BRCA1: variants seen among roughly 807,000 people sequenced by gnomAD.
BRCA1 encodes breast cancer type 1 susceptibility protein.
BRCA1 carries 140 observed loss-of-function variants against 173.7 expected under a neutral mutation model. That is an observed-to-expected ratio of 0.81 (90% confidence interval 0.70 to 0.93). The LOEUF is 0.93. Among genes scored for constraint, BRCA1 ranks in the 40% least tolerant of loss-of-function variants. BRCA1 has a pLI of 0.00. For missense variants in BRCA1, 1,983 were observed against 2,172.5 expected (o/e 0.91, Z 1.73); for synonymous variants, 662 against 756.0 (o/e 0.88, Z 2.04).
In BRCA1 at chr17:43,072,861, C is replaced by A. The variant is rs538013523; in HGVS notation, c.4675+1470G>T. 5.3e-5 allele frequency among the ~76,000 whole-genome samples: 8 copies of A among 151,126 alleles called. No homozygotes were observed. In the East Asian group the frequency reaches 1.0e-3, roughly 19 times the overall value. Reference sequence around the variant, plus strand: ...TTACAGGCGTAAGCCACCCACCACGCCTGGCCCCAGCTAGTTTTTTTTTTT... The same window carrying A: ...TTACAGGCGTAAGCCACCCACCACGACTGGCCCCAGCTAGTTTTTTTTTTT... On this transcript the variant is annotated intron_variant, in intron 14 of 22. Transcript: ENST00000357654.
At position 43,071,069 on chromosome 17, in the gene BRCA1, A is replaced by G. The variant is rs144588397; in HGVS notation, c.4845T>C (p.Ala1615=). The G allele has an allele frequency of 2.2e-5, 36 of 1,614,060 alleles. No homozygotes were observed. Among genetic ancestry groups the G allele is most frequent in the Non-Finnish European group, 2.9e-5 (34 of 1,180,032 alleles). ...CAGCAGTATCAGTAGTATGAGCAGC[A>G]GCTGGACTCTGGGCAGATTCTGCAA... ...LKVAESAQSP[A]AAHTTDTAGY... is the part of the protein sequence containing the mutation. The change falls in exon 15 of 23, where the codon GCT becomes GCC. Residue 1615 remains alanine, a synonymous_variant. Coordinates refer to ENST00000357654, the MANE Select transcript of BRCA1 (RefSeq NM_007294.4).
intron 11 of BRCA1, among the ~76,000 whole-genome samples, chr17:43,085,314 C>T (rs764142982): frequency 4.0e-5 from 6 of 151,708 alleles, no homozygotes; most frequent in Non-Finnish European, 5.9e-5. Context: ...GAGCTGAGAT[C>T]GTGCCACGGC....
chr17:43,046,564 A>T lies in BRCA1; in HGVS notation c.5468-762T>A, dbSNP rs1055113466. Among the ~76,000 whole-genome samples, 42 of 151,338 alleles carry T rather than the reference A, an allele frequency of 2.8e-4. No individual in the cohort carries two copies. The Middle Eastern group carries it at 0.014, about 49-fold the overall frequency. The stretch of plus-strand genomic sequence containing the variant: ...AAGTGCGTGCCACCATGCCTGGCTA[A>T]TTTTTTTTAGTATTTTTAGTAGAGA... On this transcript the variant is annotated intron_variant, in intron 22 of 22. Coordinates refer to ENST00000357654, the MANE Select transcript of BRCA1 (RefSeq NM_007294.4).
intron 2 of BRCA1, among the ~76,000 whole-genome samples, chr17:43,116,837 A>C (rs926723031): frequency 1.3e-5 from 2 of 152,140 alleles, no homozygotes; most frequent in Non-Finnish European, 2.9e-5. Context: ...CTTCTGATCT[A>C]TAGGTGTCTC....
intron 4 of BRCA1, among the ~76,000 whole-genome samples, chr17:43,105,308 T>C (rs1002081451): frequency 6.6e-6 from 1 of 152,148 alleles, no homozygotes; most frequent in Non-Finnish European, 1.5e-5. Context: ...GCCACAATCA[T>C]AGCTCACTGC....
Position 43,092,565 on chromosome 17 carries a change from A to G in BRCA1, c.2966T>C (p.Phe989Ser), listed in dbSNP as rs4986848. 6.2e-7 allele frequency: 1 copy of G among 1,614,068 alleles called. No individual in the cohort carries two copies. Reference protein sequence around the residue: ...RIPPLFPIKSFVKTKCKKNLL... With the variant: ...RIPPLFPIKSSVKTKCKKNLL... ...ATTTTTCTTACATTTAGTTTTAACA[A>G]ATGACTTGATGGGAAAAAGTGGTGG... The change falls in exon 10 of 23, where the codon TTT becomes TCT. Residue 989 changes from phenylalanine (F) to serine (S), a missense_variant. Phe to Ser is a radical substitution (Grantham distance 155). Coordinates refer to ENST00000357654, the MANE Select transcript of BRCA1 (RefSeq NM_007294.4).
intron 12 of BRCA1, among the ~76,000 whole-genome samples, chr17:43,077,438 C>T (rs1177280339): frequency 6.6e-6 from 1 of 151,850 alleles, no homozygotes; most frequent in Non-Finnish European, 1.5e-5. Flanking sequence ...TCAAGCGATT[C>T]TCCTGCCTCA....
chr17:43,074,572 CAA>C, intron 13 of BRCA1, 51 bp from the exon 14 acceptor site: 1 of 1,517,486 alleles, frequency 6.6e-7, no homozygotes, highest in Non-Finnish European at 9.1e-7. Context: ...TGTGAAAGGA[CAA>C]ATCATACTTG....
intron 16 of BRCA1, among the ~76,000 whole-genome samples, chr17:43,065,524 T>C (rs1246379369): frequency 6.6e-6 from 1 of 151,810 alleles, no homozygotes; most frequent in Non-Finnish European, 1.5e-5. Flanking sequence ...CAAAATTAGG[T>C]ATGGTGGTGC....
chr17:43,045,525 C>T lies in BRCA1; in HGVS notation c.*153G>A, dbSNP rs1463715267. 5 of 1,225,552 alleles carry T rather than the reference C, an allele frequency of 4.1e-6. No individual in the cohort carries two copies. Among genetic ancestry groups the T allele is most frequent in the Non-Finnish European group, 5.9e-6 (5 of 852,652 alleles). The allele number at this position is 1,225,552 out of a possible 1,614,324, so 75.9% of individuals were successfully genotyped here. ...AAATCTTTAAGGGACCCTTGCATAG[C>T]CAGAAGTCCTTTTCAGGCTGATGTA... On this transcript the variant is annotated 3_prime_UTR_variant, in exon 23 of 23. Coordinates refer to ENST00000357654, the MANE Select transcript of BRCA1 (RefSeq NM_007294.4).
Position 43,091,094 on chromosome 17 carries a change from T to C in BRCA1, c.4097-62A>G, listed in dbSNP as rs1273737309. On this transcript the variant is annotated intron_variant, in intron 10 of 22. Transcript: ENST00000357654. ...AGACTATAAACGCTGCAACTTGCTGTGTCTTTTTCTTCTCATTGGCAGGAC... is the reference window on the plus strand; with the variant it reads ...AGACTATAAACGCTGCAACTTGCTGCGTCTTTTTCTTCTCATTGGCAGGAC... The C allele has an allele frequency of 2.1e-6, 3 of 1,434,380 alleles. No homozygotes were observed. In the Middle Eastern group the frequency reaches 5.2e-4, roughly 250 times the overall value. The allele number at this position is 1,434,380 out of a possible 1,614,324, so 88.9% of individuals were successfully genotyped here. A position where few individuals can be genotyped will look rare whatever the true frequency, so the allele number is the denominator to read the frequency against.
In BRCA1 at chr17:43,124,093, C is replaced by T. The variant is rs778775133; in HGVS notation, c.4G>A (p.Asp2Asn). Residue 2 changes from aspartate to asparagine, a missense_variant, in exon 2 of 23, where the codon GAT becomes AAT. By Grantham distance (23) the Asp-to-Asn change is conservative. Coordinates refer to ENST00000357654, the MANE Select transcript of BRCA1 (RefSeq NM_007294.4). The part of the protein sequence containing the change: M[D>N]LSALRVEEVQ... ...TCTTCAACGCGAAGAGCAGATAAAT[C>T]CATTTCTTTCTGTTCCAATGAACTT... The T allele has an allele frequency of 1.9e-6, 3 of 1,612,060 alleles. No homozygotes were observed. The highest frequency in any genetic ancestry group is 1.1e-5 in the South Asian group (1 of 91,014).
rs184113374 is a variant in BRCA1 at position 43,116,676 on chromosome 17, G to A, written c.81-897C>T. ...TGGAACTACAGGCGTGCGCCACCAC[G>A]CCCGGCTGATTTTTCGTATTTTTAG... On this transcript the variant is annotated intron_variant, in intron 2 of 22. Transcript: ENST00000357654. Among the ~76,000 whole-genome samples, 172 of 152,238 alleles carry A rather than the reference G, an allele frequency of 1.1e-3. 1 individual carries two copies. Among genetic ancestry groups the A allele is most frequent in the Middle Eastern group, 0.01 (3 of 294 alleles).
At chr17:43,098,983 ATTTTTTTTTT>A (rs577010874) in intron 7 of BRCA1, among the ~76,000 whole-genome samples, 1 of 130,490 alleles carries the variant, frequency 7.7e-6, no homozygotes, top group African/African-American at 2.8e-5. Flanking sequence ...ACCCCGGCTA[ATTTTTTTTTT>A]TTTTTTTTTA....
chr17:43,138,821 C>G, intron 1 of BRCA1: 1 of 778,814 alleles, frequency 1.3e-6, no homozygotes, highest in Non-Finnish European at 2.4e-6. Flanking sequence ...GGACTCCATA[C>G]TCCCCCACCA....
intron 11 of BRCA1, among the ~76,000 whole-genome samples, chr17:43,085,103 A>G (rs1003864578): frequency 1.3e-5 from 2 of 152,210 alleles, no homozygotes; most frequent in African/African-American, 4.8e-5. Context: ...TGCTCCTTCA[A>G]TTAGCTCTAG....
At chr17:43,071,662 A>G (rs2052449003) in intron 14 of BRCA1, among the ~76,000 whole-genome samples, 1 of 152,218 alleles carries the variant, frequency 6.6e-6, no homozygotes, top group African/African-American at 2.4e-5. Context: ...TTACTAATAT[A>G]TTAAAGACAC....
chr17:43,068,722 T>C (rs1338278392), intron 15 of BRCA1, among the ~76,000 whole-genome samples: 1 of 152,192 alleles, frequency 6.6e-6, no homozygotes, highest in Non-Finnish European at 1.5e-5. Context: ...CAGAAAGTTA[T>C]GCTACAGATA....
chr17:43,076,447 G>A (rs931573413), intron 13 of BRCA1, 41 bp downstream of exon 13: 1 of 1,608,158 alleles, frequency 6.2e-7, no homozygotes, highest in African/African-American at 1.3e-5. Context: ...TATAAATAAA[G>A]ATGTCAGATA....
Sources: allele counts gnomAD v4.1 joint callset (sites outside exome capture counted in the v4.1 genomes callset), GRCh38; gene constraint gnomAD v4.1.1; transcripts MANE v1.5; gene names NCBI Gene and HGNC (gene_info 2026-07-23, HGNC 2026-07-21).